ARHGEF10L: variants seen among roughly 807,000 people sequenced by gnomAD.
ARHGEF10L encodes the protein rho guanine nucleotide exchange factor 10-like protein.
A neutral mutation model predicts 141.2 loss-of-function variants in ARHGEF10L; 69 were observed. The ratio of observed to expected loss-of-function variants is 0.49; its 90% confidence interval spans 0.40 to 0.60. The LOEUF (loss-of-function observed/expected upper bound fraction) is 0.60, where lower values mean the gene tolerates loss of function less well. Ranked by LOEUF, ARHGEF10L falls within the 20% of genes least tolerant of loss-of-function variation. The pLI is 0.00. For synonymous variants in ARHGEF10L, 711 were observed against 718.5 expected (o/e 0.99, Z 0.17); for missense variants, 1,482 against 1,734.3 (o/e 0.85, Z 2.58).
intron 26 of ARHGEF10L, among the ~76,000 whole-genome samples, chr1:17,668,692 C>T (rs2063131382): frequency 6.6e-6 from 1 of 152,202 alleles, no homozygotes; most frequent in African/African-American, 2.4e-5. Flanking sequence ...GGAGCACACG[C>T]CCCCATGTGC....
chr1:17,557,134 G>A (rs2077361183), intron 1 of ARHGEF10L, among the ~76,000 whole-genome samples: 1 of 151,880 alleles, frequency 6.6e-6, no homozygotes, highest in South Asian at 2.1e-4. Context: ...CTTGAGATCA[G>A]GAGTTTGAGA....
chr1:17,521,384 C>T, the ARHGEF10L span, among the ~76,000 whole-genome samples: 14 of 152,214 alleles, frequency 9.2e-5, no homozygotes, highest in Non-Finnish European at 1.9e-4. Context: ...TTAGTAGAGA[C>T]GGGGTTTCTC....
In ARHGEF10L at chr1:17,691,199, T is replaced by C. The variant is rs182313481; in HGVS notation, c.3184+3452T>C. ...CTCCAGATAGATGGCTTGGGTGAGT[T>C]GAACACTGCCGCATTAAGTCTCTGT... is the stretch of plus-strand genomic sequence containing the variant. On this transcript the variant is annotated intron_variant, in intron 27 of 28. Transcript: ENST00000361221. 2.2e-5 allele frequency: 10 copies of C among 445,106 alleles called. No homozygotes were observed. The Admixed American group carries it at 2.3e-4, about 10-fold the overall frequency. 27.6% of individuals were successfully genotyped at this position (445,106 alleles called of 1,614,324 possible).
intron 7 of ARHGEF10L, among the ~76,000 whole-genome samples, chr1:17,610,713 T>G (rs2059504947): frequency 6.6e-6 from 1 of 152,198 alleles, no homozygotes; most frequent in African/African-American, 2.4e-5. Context: ...AGCAGGGGTC[T>G]GGGGATGTGT....
intron 4 of ARHGEF10L, among the ~76,000 whole-genome samples, chr1:17,589,830 C>T (rs979607726): frequency 6.6e-6 from 1 of 152,102 alleles, no homozygotes; most frequent in African/African-American, 2.4e-5. Context: ...GATGCAGATG[C>T]GTCAGAGTGG....
intron 7 of ARHGEF10L, among the ~76,000 whole-genome samples, chr1:17,611,986 T>TCCAC (rs949623421): frequency 1.3e-5 from 2 of 151,814 alleles, no homozygotes; most frequent in Non-Finnish European, 2.9e-5. Context: ...TGTCCATCCA[T>TCCAC]CCATCCATCC....
chr1:17,665,671 C>T (rs1183747622), intron 26 of ARHGEF10L, among the ~76,000 whole-genome samples: 1 of 152,182 alleles, frequency 6.6e-6, no homozygotes, highest in African/African-American at 2.4e-5. Flanking sequence ...AATAAGTGTC[C>T]CGTTCCTGGA....
intron 1 of ARHGEF10L, among the ~76,000 whole-genome samples, chr1:17,577,629 C>G (rs1291574142): frequency 6.6e-6 from 1 of 152,204 alleles, no homozygotes; most frequent in Admixed American, 6.5e-5. Context: ...GCGTCCTCGT[C>G]CCGACACTTC....
intron 4 of ARHGEF10L, among the ~76,000 whole-genome samples, chr1:17,593,750 G>A (rs1475605999): frequency 6.6e-6 from 1 of 151,074 alleles, no homozygotes; most frequent in South Asian, 2.1e-4. Context: ...ACAGATTTGT[G>A]TTGTAAGTCA....
rs1388296925 is a variant in ARHGEF10L at position 17,621,434 on chromosome 1, T to C, written c.943-430T>C. Reference sequence around the variant, plus strand: ...TTTTACTAGAGACAGGGTTTCACCATGTTGGCCAGGCTGGTTTCGAACTCC... The same window carrying C: ...TTTTACTAGAGACAGGGTTTCACCACGTTGGCCAGGCTGGTTTCGAACTCC... On this transcript the variant is annotated intron_variant, in intron 10 of 28. Coordinates refer to ENST00000361221, the MANE Select transcript of ARHGEF10L (RefSeq NM_018125.4). This position sits in a 1 kb window ranked among gnomAD's most constrained non-coding sequence, Gnocchi z 4.1. 2.0e-5 allele frequency among the ~76,000 whole-genome samples: 3 copies of C among 152,276 alleles called. No homozygotes were observed. The highest frequency in any genetic ancestry group is 2.1e-4 in the South Asian group (1 of 4,818).
chr1:17,645,534 G>A (rs1388305912), intron 21 of ARHGEF10L, among the ~76,000 whole-genome samples: 3 of 152,110 alleles, frequency 2.0e-5, no homozygotes, highest in Non-Finnish European at 4.4e-5. Context: ...GTGAGGAATT[G>A]GGGGTCCAGA....
chr1:17,580,530 G>C, intron 1 of ARHGEF10L, 23 bp from the exon 2 acceptor site: 1 of 1,606,458 alleles, frequency 6.2e-7, no homozygotes, highest in Non-Finnish European at 8.5e-7. Context: ...CAGCTAATGC[G>C]ATTTCTGGTC....
Position 17,603,089 on chromosome 1 carries a change from A to G in ARHGEF10L, c.350-419A>G, listed in dbSNP as rs141250786. On this transcript the variant is annotated intron_variant, in intron 5 of 28. Transcript: ENST00000361221. This position sits in a 1 kb window ranked among gnomAD's most constrained non-coding sequence, Gnocchi z 4.8. ...GCCTGTGGGTCAAGGACCGGCTCCC[A>G]TCAGGGGTGGGGGCTGGTTTTCCAA... Among the ~76,000 whole-genome samples, 2 of 151,728 alleles carry G rather than the reference A, an allele frequency of 1.3e-5. No individual in the cohort carries two copies. The highest frequency in any genetic ancestry group is 6.5e-5 in the Admixed American group (1 of 15,274).
At chr1:17,544,242 T>C (rs1042032924) in intron 1 of ARHGEF10L, among the ~76,000 whole-genome samples, 1 of 150,888 alleles carries the variant, frequency 6.6e-6, no homozygotes, top group African/African-American at 2.4e-5. Flanking sequence ...TATGAGCCAC[T>C]GTGACTGGCC....
chr1:17,678,417 G>GTTT (rs397863291), intron 26 of ARHGEF10L, among the ~76,000 whole-genome samples: 3 of 133,002 alleles, frequency 2.3e-5, no homozygotes, highest in African/African-American at 5.8e-5. Context: ...AGATTTCAGG[G>GTTT]TTTTTTTTTT....
chr1:17,517,880 T>C, the ARHGEF10L span, among the ~76,000 whole-genome samples: 1 of 152,166 alleles, frequency 6.6e-6, no homozygotes, highest in Admixed American at 6.6e-5. Flanking sequence ...CAGGCTCTTC[T>C]CAAACTCCTG....
chr1:17,665,708 G>C (rs930151903), intron 26 of ARHGEF10L, among the ~76,000 whole-genome samples: 1 of 152,188 alleles, frequency 6.6e-6, no homozygotes, highest in African/African-American at 2.4e-5. Context: ...TATCAGTCAG[G>C]GTTGTCCAGA....
At chr1:17,588,328 G>GC in intron 3 of ARHGEF10L, 118 bp from the exon 4 acceptor site, 1 of 1,141,144 alleles carries the variant, frequency 8.8e-7, no homozygotes, top group Non-Finnish European at 1.3e-6. Context: ...CAGGCACCCA[G>GC]ACTGGCCAGG....
chr1:17,526,100 A>C, the ARHGEF10L span, among the ~76,000 whole-genome samples: 13 of 151,520 alleles, frequency 8.6e-5, no homozygotes, highest in Non-Finnish European at 1.3e-4. Context: ...CCTATTCCTC[A>C]GGGCCCTTCC....
Sources: allele counts gnomAD v4.1 joint callset (sites outside exome capture counted in the v4.1 genomes callset), GRCh38; gene constraint gnomAD v4.1.1; non-coding constraint Gnocchi (gnomAD v3.1); transcripts MANE v1.5; gene names NCBI Gene and HGNC (gene_info 2026-07-23, HGNC 2026-07-21).